ATP6V1H: variants seen among roughly 807,000 people sequenced by gnomAD.
ATP6V1H encodes the protein ATPase H+ transporting V1 subunit H.
ATP6V1H carries 39 observed loss-of-function variants against 71.7 expected under a neutral mutation model. The observed-to-expected ratio is 0.54, with a 90% CI of 0.42 to 0.71. ATP6V1H has a LOEUF of 0.71. Among genes scored for constraint, ATP6V1H ranks in the 30% least tolerant of loss-of-function variants. ATP6V1H has a pLI of 0.00. For synonymous variants in ATP6V1H, 192 were observed against 199.3 expected (o/e 0.96, Z 0.31); for missense variants, 509 against 594.9 (o/e 0.86, Z 1.50).
At chr8:53,731,490 T>TTTCTG (rs756961244) in intron 13 of ATP6V1H, among the ~76,000 whole-genome samples, 6 of 152,178 alleles carry the variant, frequency 3.9e-5, no homozygotes, top group East Asian at 3.9e-4. Context: ...ATTGTGAAGC[T>TTTCTG]TTCTGTTCTG....
chr8:53,716,053 T>C (rs375009340), intron 13 of ATP6V1H, 29 bp from the exon 14 acceptor site: 393 of 1,578,904 alleles, frequency 2.5e-4, no homozygotes, highest in Non-Finnish European at 3.1e-4. Context: ...GTAAGGAGAA[T>C]GAGAATTTCA....
In ATP6V1H at chr8:53,774,108, T is replaced by G. The variant is rs570169470; in HGVS notation, c.871-1941A>C. ...GGAAGAGAATGGGGCTGATATTTTATTTGAAGAAATAATGGCTGCAAGTTT... is the reference window on the plus strand; with the variant it reads ...GGAAGAGAATGGGGCTGATATTTTAGTTGAAGAAATAATGGCTGCAAGTTT... On this transcript the variant is annotated intron_variant, in intron 9 of 13. Transcript: ENST00000359530. Among the ~76,000 whole-genome samples, 4 of 152,354 alleles carry G rather than the reference T, an allele frequency of 2.6e-5. No homozygotes were observed. In the East Asian group the frequency reaches 7.7e-4, roughly 29 times the overall value.
chr8:53,762,909 G>A (rs1270774927), intron 11 of ATP6V1H, among the ~76,000 whole-genome samples: 2 of 152,126 alleles, frequency 1.3e-5, no homozygotes, highest in Admixed American at 6.6e-5. Context: ...TCAACATGAC[G>A]ACAAGGAGGA....
chr8:53,827,592 T>C (rs1329896106), intron 4 of ATP6V1H, among the ~76,000 whole-genome samples: 1 of 152,088 alleles, frequency 6.6e-6, no homozygotes, highest in Non-Finnish European at 1.5e-5. Flanking sequence ...AGACTTGTTT[T>C]TTGTGTGTAT....
chr8:53,742,475 T>TTA (rs1204677556), intron 13 of ATP6V1H, among the ~76,000 whole-genome samples: 2 of 152,218 alleles, frequency 1.3e-5, no homozygotes, highest in Non-Finnish European at 2.9e-5. Context: ...TATTGTCAAC[T>TTA]TAGCTATGTG....
In ATP6V1H at chr8:53,776,225, A is replaced by T. The variant is rs555271668; in HGVS notation, c.871-4058T>A. Among the ~76,000 whole-genome samples the T allele has an allele frequency of 7.4e-4, 112 of 151,970 alleles. 1 individual carries two copies. The highest frequency in any genetic ancestry group is 2.6e-3 in the African/African-American group (109 of 41,454). ...CCCGCCAAGCCCACGCCCACCCAGAACTCCAGCTGGCCCGCAAGCGCCGCA... is the reference window on the plus strand; with the variant it reads ...CCCGCCAAGCCCACGCCCACCCAGATCTCCAGCTGGCCCGCAAGCGCCGCA... On this transcript the variant is annotated intron_variant, in intron 9 of 13. Transcript: ENST00000359530.
chr8:53,739,915 C>G (rs577811949), intron 13 of ATP6V1H, among the ~76,000 whole-genome samples: 1 of 152,222 alleles, frequency 6.6e-6, no homozygotes, highest in Non-Finnish European at 1.5e-5. Flanking sequence ...TCCCCAGCAA[C>G]TCTATTCCTC....
intron 11 of ATP6V1H, among the ~76,000 whole-genome samples, chr8:53,760,051 G>A (rs80100975): frequency 5.3e-5 from 8 of 152,294 alleles, no homozygotes; most frequent in Non-Finnish European, 1.0e-4. Flanking sequence ...AGAATGTCAG[G>A]TGACCATCAA....
intron 9 of ATP6V1H, among the ~76,000 whole-genome samples, chr8:53,778,770 G>A (rs1348412143): frequency 6.6e-6 from 1 of 152,120 alleles, no homozygotes; most frequent in Non-Finnish European, 1.5e-5. Context: ...CCAGTTAAGA[G>A]GCAGAAATTA....
intron 11 of ATP6V1H, among the ~76,000 whole-genome samples, chr8:53,763,176 G>T (rs557423065): frequency 6.6e-6 from 1 of 152,266 alleles, no homozygotes; most frequent in East Asian, 1.9e-4. Context: ...GGGGAGGAGG[G>T]TCGGCATCCC....
intron 9 of ATP6V1H, among the ~76,000 whole-genome samples, chr8:53,793,618 C>G (rs1809635837): frequency 6.6e-6 from 1 of 151,914 alleles, no homozygotes; most frequent in Admixed American, 6.6e-5. Flanking sequence ...CCACTCCAGC[C>G]TGGATGACAG....
chr8:53,764,267 CA>C (rs1010557562), intron 11 of ATP6V1H, among the ~76,000 whole-genome samples: 1 of 152,064 alleles, frequency 6.6e-6, no homozygotes, highest in African/African-American at 2.4e-5. Flanking sequence ...AACATAGATG[CA>C]AAAATCCTCA....
At chr8:53,767,076 G>A (rs1044195857) in intron 11 of ATP6V1H, among the ~76,000 whole-genome samples, 21 of 152,174 alleles carry the variant, frequency 1.4e-4, no homozygotes, top group Non-Finnish European at 1.0e-4. Flanking sequence ...TGTCTTCCCC[G>A]GATGCCCAGC....
At chr8:53,804,899 TGCAAGC>T (rs1404591840) in intron 7 of ATP6V1H, among the ~76,000 whole-genome samples, 2 of 152,180 alleles carry the variant, frequency 1.3e-5, no homozygotes, top group Non-Finnish European at 2.9e-5. Flanking sequence ...TTGCTGAAAA[TGCAAGC>T]TCTTACTATA....
chr8:53,822,993 A>T (rs1360473524), intron 4 of ATP6V1H, among the ~76,000 whole-genome samples: 1 of 152,214 alleles, frequency 6.6e-6, no homozygotes, highest in African/African-American at 2.4e-5. Context: ...AGTGAAAAGT[A>T]CAAAAGATAT....
intron 12 of ATP6V1H, among the ~76,000 whole-genome samples, chr8:53,745,595 C>T (rs4738884): frequency 0.13 from 19,159 of 151,910 alleles, 1,832 homozygotes; most frequent in East Asian, 0.37. Context: ...CCTTCTCTAA[C>T]ACACGAGTTT....
At chr8:53,818,198 T>A (rs139780780) in intron 4 of ATP6V1H, among the ~76,000 whole-genome samples, 5 of 152,336 alleles carry the variant, frequency 3.3e-5, no homozygotes, top group South Asian at 4.1e-4. Flanking sequence ...AATACTTTTT[T>A]AAAAATTTTT....
chr8:53,799,734 T>C (rs1360302676), intron 8 of ATP6V1H, among the ~76,000 whole-genome samples: 1 of 152,030 alleles, frequency 6.6e-6, no homozygotes. Context: ...GGGAGGTGAT[T>C]AGGTCATGAG....
intron 13 of ATP6V1H, among the ~76,000 whole-genome samples, chr8:53,742,453 G>A (rs542895984): frequency 6.6e-6 from 1 of 152,270 alleles, no homozygotes; most frequent in South Asian, 2.1e-4. Flanking sequence ...TGTATGGCTG[G>A]TTACTTATCA....
Sources: allele counts gnomAD v4.1 joint callset (sites outside exome capture counted in the v4.1 genomes callset), GRCh38; gene constraint gnomAD v4.1.1; transcripts MANE v1.5; gene names NCBI Gene and HGNC (gene_info 2026-07-23, HGNC 2026-07-21).